The following MYH8 variants were observed in gnomAD, a reference collection of about 807,000 sequenced individuals.
MYH8 encodes the protein myosin-8.
In MYH8, 168 loss-of-function variants were observed where a neutral mutation model predicts 233.2. The observed-to-expected ratio is 0.72, with a 90% CI of 0.64 to 0.82. The LOEUF (loss-of-function observed/expected upper bound fraction) is 0.82, where lower values mean the gene tolerates loss of function less well. Among genes scored for constraint, MYH8 ranks in the 40% least tolerant of loss-of-function variants. MYH8 has a pLI of 0.00. For missense variants in MYH8, 1,995 were observed against 2,327.8 expected (o/e 0.86, Z 2.94); for synonymous variants, 785 against 850.6 (o/e 0.92, Z 1.34).
rs112536868 is a variant in MYH8, at chr17:10,390,622, T to C, written c.5665-19A>G. The C allele has an allele frequency of 5.1e-5, 82 of 1,612,998 alleles. No homozygotes were observed. In the African/African-American group the frequency reaches 7.2e-4, roughly 14 times the overall value. On this transcript the variant is annotated intron_variant, in intron 39 of 39. Transcript: ENST00000403437. ...GTTCCTCCTAAGAATAGAGATAAAA[T>C]TGTGAGAATTAGACTGTGTGGTTCT...
Position 10,395,148 on chromosome 17 carries a change from G to C in MYH8, c.4947C>G (p.Thr1649=). ...AAESLRNYRN[T]QGILKETQLH... ...ACCCGTTTACCTTCAGGATTCCTTG[G>C]GTGTTCCTGTAGTTCCTTAAACTCT... Residue 1649 remains threonine, a synonymous_variant, in exon 34 of 40, where the codon ACC becomes ACG. Coordinates refer to ENST00000403437, the MANE Select transcript of MYH8 (RefSeq NM_002472.3). 6.2e-7 allele frequency: 1 copy of C among 1,613,384 alleles called. No homozygotes were observed. The highest frequency in any genetic ancestry group is 8.5e-7 in the Non-Finnish European group (1 of 1,180,004).
In MYH8 at chr17:10,390,416, C is replaced by G. The variant is rs2072009463; in HGVS notation, c.*38G>C. The G allele has an allele frequency of 6.2e-7, 1 of 1,612,016 alleles. No homozygotes were observed. The highest frequency in any genetic ancestry group is 8.5e-7 in the Non-Finnish European group (1 of 1,179,792). ...GTGACCAAAAATAGCACATTTTGTG[C>G]CTTTCTTCAGCCTCTTGATAGCATC... On this transcript the variant is annotated 3_prime_UTR_variant, in exon 40 of 40. Coordinates refer to ENST00000403437, the MANE Select transcript of MYH8 (RefSeq NM_002472.3).
chr17:10,405,968 A>C, intron 21 of MYH8, 73 bp downstream of exon 21: 1 of 1,568,542 alleles, frequency 6.4e-7, no homozygotes, highest in Non-Finnish European at 8.7e-7. Context: ...AAATGAAAGA[A>C]TTAATGAATG....
Position 10,395,441 on chromosome 17 carries a change from C to T in MYH8, c.4654G>A (p.Ala1552Thr). The change falls in exon 34 of 40, where the codon GCA becomes ACA. Residue 1552 changes from alanine (A) to threonine (T), a missense_variant and splice_region_variant. This residue lies in a region of MYH8 where 1,498 missense variants were observed against 1,680.9 expected (regional missense o/e 0.89). Coordinates refer to ENST00000403437, the MANE Select transcript of MYH8 (RefSeq NM_002472.3). ...EIQAALEEAE[A>T]SLEHEEGKIL... ...TTTCCTTCTTCATGTTCAAGAGATG[C>T]CTTAACAAAACAGTGATCAATTAAT... The T allele has an allele frequency of 6.2e-7, 1 of 1,613,896 alleles. No individual in the cohort carries two copies. The highest frequency in any genetic ancestry group is 1.6e-4 in the Middle Eastern group (1 of 6,062).
chr17:10,412,801 C>G, intron 12 of MYH8, 73 bp from the exon 13 acceptor site: 1 of 1,278,180 alleles, frequency 7.8e-7, no homozygotes, highest in East Asian at 2.3e-5. Context: ...CCATTTTTCT[C>G]CAATTCAATC....
At chr17:10,402,224 G>A (rs1055569239) in intron 22 of MYH8, among the ~76,000 whole-genome samples, 12 of 152,066 alleles carry the variant, frequency 7.9e-5, no homozygotes, top group Admixed American at 2.0e-4. Flanking sequence ...TAAAGATTTT[G>A]ATTTAGTTAA....
At chr17:10,409,716 G>T in intron 15 of MYH8, 128 bp from the exon 16 acceptor site, 1 of 1,253,554 alleles carries the variant, frequency 8.0e-7, no homozygotes, top group Non-Finnish European at 1.1e-6. Context: ...CAGGGTCACA[G>T]CTCGAAGAAG....
chr17:10,390,743 T>G, intron 39 of MYH8, 140 bp from the exon 40 acceptor site: 1 of 1,000,006 alleles, frequency 1.0e-6, no homozygotes, highest in Non-Finnish European at 1.5e-6. Context: ...TAAACAGAGT[T>G]TATAACTTCA....
At position 10,400,738 on chromosome 17, in the gene MYH8, C is replaced by A; in HGVS notation, c.3387G>T (p.Arg1129Ser). Residue 1129 changes from arginine (R) to serine (S), a missense_variant, in exon 27 of 40, where the codon AGG (arginine) becomes AGT (serine). Arg to Ser is a moderately radical substitution (Grantham distance 110, BLOSUM62 -1). Transcript: ENST00000403437. The surrounding 1 kb of genome is among the most constrained non-coding windows in gnomAD (Gnocchi z 4.0). ...GCTTCTCCGCTTTGGCTCGGGACGC[C>A]CTCTCTGCCTCGATTTCTTCCCCCA... The part of the protein sequence containing the change: ...EELGEEIEAE[R>S]ASRAKAEKQR... The A allele has an allele frequency of 2.5e-6, 4 of 1,614,160 alleles. No homozygotes were observed. The highest frequency in any genetic ancestry group is 3.4e-6 in the Non-Finnish European group (4 of 1,180,046).
chr17:10,404,223 G>T, intron 22 of MYH8, 107 bp downstream of exon 22: 2 of 1,408,428 alleles, frequency 1.4e-6, no homozygotes, highest in South Asian at 1.3e-5. Context: ...ATTAAAAACA[G>T]CAACTTGAGA....
Position 10,415,194 on chromosome 17 carries a change from T to G in MYH8, c.742-15A>C. ...ATGAATTTACCCTTGAAAAGAATAT[T>G]TAGTATTAGAAAACTGAAACACAAA... is the stretch of plus-strand genomic sequence containing the variant. On this transcript the variant is annotated splice_polypyrimidine_tract_variant and intron_variant, in intron 8 of 39. Transcript: ENST00000403437. The surrounding 1 kb of genome is among the most constrained non-coding windows in gnomAD (Gnocchi z 4.1). 6.2e-7 allele frequency: 1 copy of G among 1,610,338 alleles called. No homozygotes were observed. Among genetic ancestry groups the G allele is most frequent in the African/African-American group, 1.3e-5 (1 of 74,970 alleles).
chr17:10,393,271 A>T, intron 35 of MYH8, 61 bp from the exon 36 acceptor site: 1 of 1,607,060 alleles, frequency 6.2e-7, no homozygotes, highest in Non-Finnish European at 8.5e-7. Context: ...GGATTTTACA[A>T]GTGTCTTACT....
chr17:10,420,767 T>C (rs1159048096), intron 2 of MYH8, among the ~76,000 whole-genome samples: 1 of 152,234 alleles, frequency 6.6e-6, no homozygotes, highest in African/African-American at 2.4e-5. Flanking sequence ...TTTATGTTGA[T>C]ATTTGGTGTT....
In MYH8 at chr17:10,393,991, C is replaced by CT. The variant is rs35512526; in HGVS notation, c.5166+257dup. 0.37 allele frequency among the ~76,000 whole-genome samples: 13,437 copies of CT among 35,988 alleles called. 4,896 individuals are homozygous for CT. Among genetic ancestry groups the CT allele is most frequent in the Non-Finnish European group, 0.4 (8,870 of 22,110 alleles). The allele number at this position is 35,988 out of a possible 152,430, so 23.6% of individuals were successfully genotyped here. ...TTATTTTTAAATAAAAAAGTAATAG[C>CT]TTTTTTTTTTTTTTTTTTTTTTTTT... On this transcript the variant is annotated intron_variant, in intron 35 of 39. Coordinates refer to ENST00000403437, the MANE Select transcript of MYH8 (RefSeq NM_002472.3).
chr17:10,412,472 C>T lies in MYH8; in HGVS notation c.1314G>A (p.Met438Ile), dbSNP rs764540659. 1.2e-6 allele frequency: 2 copies of T among 1,614,234 alleles called. No homozygotes were observed. The highest frequency in any genetic ancestry group is 1.7e-6 in the Non-Finnish European group (2 of 1,180,050). ...GALAKAVYEK[M>I]FLWMVTRINQ... ...TGATGCGGGTGACCATCCACAGGAA[C>T]ATCTTCTCGTAGACGGCTTTGGCCA... The change falls in exon 14 of 40, where the codon ATG becomes ATA. Residue 438 changes from methionine to isoleucine, a missense_variant. Met to Ile is a conservative substitution (Grantham distance 10). Around this residue, in one of 3 missense-constraint regions of MYH8, gnomAD observed 479 missense variants for 600.9 expected, o/e 0.80. Coordinates refer to ENST00000403437, the MANE Select transcript of MYH8 (RefSeq NM_002472.3).
chr17:10,398,756 G>A lies in MYH8; in HGVS notation c.3981+12C>T, dbSNP rs376618782. 2.4e-5 allele frequency: 38 copies of A among 1,613,742 alleles called. No individual in the cohort carries two copies. In the African/African-American group the frequency reaches 3.9e-4, roughly 16 times the overall value. ...GATTTGGTTAGTCAAAAAAATCCTTGGCAAAACTCACTTTAGTTTCTTCCT... is the reference window on the plus strand; with the variant it reads ...GATTTGGTTAGTCAAAAAAATCCTTAGCAAAACTCACTTTAGTTTCTTCCT... On this transcript the variant is annotated intron_variant, in intron 29 of 39. Coordinates refer to ENST00000403437, the MANE Select transcript of MYH8 (RefSeq NM_002472.3).
Position 10,415,180 on chromosome 17 carries a change from C to G in MYH8, c.742-1G>C. The G allele has an allele frequency of 6.2e-7, 1 of 1,612,362 alleles. No individual in the cohort carries two copies. Among genetic ancestry groups the G allele is most frequent in the South Asian group, 1.1e-5 (1 of 91,038 alleles). ...CAAAGTGGATTCTAATGAATTTACCCTTGAAAAGAATATTTAGTATTAGAA... is the reference window on the plus strand; with the variant it reads ...CAAAGTGGATTCTAATGAATTTACCGTTGAAAAGAATATTTAGTATTAGAA... On this transcript the variant is annotated splice_acceptor_variant, in intron 8 of 39. Transcript: ENST00000403437. LOFTEE classifies it high-confidence loss of function. The surrounding 1 kb of genome is among the most constrained non-coding windows in gnomAD (Gnocchi z 4.1).
rs143673812 is a variant in MYH8, at chr17:10,397,890, T to A, written c.4178+554A>T. 2.6e-4 allele frequency among the ~76,000 whole-genome samples: 40 copies of A among 152,312 alleles called. No individual in the cohort carries two copies. The East Asian group carries it at 7.1e-3, about 27-fold the overall frequency. Reference sequence around the variant, plus strand: ...TCGTGCAGTTTAAACAAAGGCAGGTTTTTTTTCCCTCCTGAATTCTCTACA... The same window carrying A: ...TCGTGCAGTTTAAACAAAGGCAGGTATTTTTTCCCTCCTGAATTCTCTACA... On this transcript the variant is annotated intron_variant, in intron 30 of 39. Coordinates refer to ENST00000403437, the MANE Select transcript of MYH8 (RefSeq NM_002472.3).
rs757387520 is a variant in MYH8, at chr17:10,395,246, C to G, written c.4849G>C (p.Val1617Leu). 3.1e-6 allele frequency: 5 copies of G among 1,614,172 alleles called. No individual in the cohort carries two copies. In the Admixed American group the frequency reaches 8.3e-5, roughly 27 times the overall value. ...EIRSRNDALR[V>L]KKKMEGDLNE... is the part of the protein sequence containing the mutation. ...AGATCTCCTTCCATTTTCTTCTTGA[C>G]TCTCAGAGCATCATTTCTGCTTCTA... The change falls in exon 34 of 40, where the codon GTC (valine) becomes CTC (leucine). Residue 1617 changes from valine to leucine, a missense_variant. Val to Leu is a conservative substitution (Grantham distance 32). Around this residue, in one of 3 missense-constraint regions of MYH8, gnomAD observed 1,498 missense variants for 1,680.9 expected, o/e 0.89. Coordinates refer to ENST00000403437, the MANE Select transcript of MYH8 (RefSeq NM_002472.3).
Sources: allele counts gnomAD v4.1 joint callset (sites outside exome capture counted in the v4.1 genomes callset), GRCh38; gene constraint gnomAD v4.1.1; regional missense constraint gnomAD v4.1.1; non-coding constraint Gnocchi (gnomAD v3.1); transcripts MANE v1.5; gene names NCBI Gene and HGNC (gene_info 2026-07-23, HGNC 2026-07-21).